Variants in GNAQ observed in about 807,000 individuals in gnomAD.
GNAQ encodes the protein guanine nucleotide-binding protein G(q) subunit alpha.
GNAQ carries 8 observed loss-of-function variants against 43.9 expected under a neutral mutation model. That is an observed-to-expected ratio of 0.18 (90% confidence interval 0.11 to 0.33). GNAQ has a LOEUF of 0.33. Among genes scored for constraint, GNAQ ranks in the 10% least tolerant of loss-of-function variants. GNAQ has a pLI of 1.00. For synonymous variants in GNAQ, 155 were observed against 170.7 expected, an observed-to-expected ratio of 0.91 and a Z score of 0.71; for missense variants, 158 against 450.8, an observed-to-expected ratio of 0.35 and a Z score of 5.88.
Position 77,815,769 on chromosome 9 carries a change from G to C in GNAQ, c.323C>G (p.Ala108Gly). Residue 108 changes from alanine (A) to glycine (G), a missense_variant and splice_region_variant, in exon 3 of 7, where the codon GCT becomes GGT. By Grantham distance (60) the Ala-to-Gly change is moderately conservative. This residue lies in a region of GNAQ where 57 missense variants were observed against 78.2 expected (regional missense o/e 0.73). Coordinates refer to ENST00000286548, the MANE Select transcript of GNAQ (RefSeq NM_002072.5). Reference sequence around the variant, plus strand: ...AACTTCTCGAACTAATTGTGCATGAGCCTGTTTAAATAAAAAAAGGCAGTT... The same window carrying C: ...AACTTCTCGAACTAATTGTGCATGACCCTGTTTAAATAAAAAAAGGCAGTT... ...KIPYKYEHNKAHAQLVREVDV... is the reference protein window; with the variant it reads ...KIPYKYEHNKGHAQLVREVDV... The C allele has an allele frequency of 6.2e-7, 1 of 1,606,194 alleles. No individual in the cohort carries two copies. The highest frequency in any genetic ancestry group is 8.5e-7 in the Non-Finnish European group (1 of 1,176,282).
At chr9:77,910,869 AAC>A (rs1358181652) in intron 2 of GNAQ, among the ~76,000 whole-genome samples, 1 of 152,196 alleles carries the variant, frequency 6.6e-6, no homozygotes, top group Non-Finnish European at 1.5e-5. Context: ...AACACCACAC[AAC>A]AGTTTTGTCG....
chr9:77,891,397 AG>A (rs1007527338), intron 2 of GNAQ, among the ~76,000 whole-genome samples: 2 of 151,932 alleles, frequency 1.3e-5, no homozygotes, highest in African/African-American at 4.8e-5. Context: ...TGGGGAGGGG[AG>A]GAAGTAGGAG....
chr9:77,977,886 C>A (rs1041997085), intron 1 of GNAQ, among the ~76,000 whole-genome samples: 1 of 152,108 alleles, frequency 6.6e-6, no homozygotes, highest in Non-Finnish European at 1.5e-5. Flanking sequence ...CCCAACTTAA[C>A]CCCCTTGTCC....
chr9:77,936,355 A>G (rs1829231719), intron 1 of GNAQ, among the ~76,000 whole-genome samples: 1 of 152,192 alleles, frequency 6.6e-6, no homozygotes, highest in African/African-American at 2.4e-5. Context: ...AGCAGTATAT[A>G]CTCAGACCTT....
In GNAQ at chr9:77,991,002, T is replaced by A. The variant is rs188993333; in HGVS notation, c.136+40098A>T. Among the ~76,000 whole-genome samples, 226 of 152,296 alleles carry A rather than the reference T, an allele frequency of 1.5e-3. 1 individual carries two copies. The highest frequency in any genetic ancestry group is 2.7e-3 in the South Asian group (13 of 4,824). On this transcript the variant is annotated intron_variant, in intron 1 of 6. Transcript: ENST00000286548. ...TTCCCTCAAAATGTATTTAATAGAG[T>A]CACTTTAACTTCGGATTTCAAGGCA... is the stretch of plus-strand genomic sequence containing the variant.
At position 77,716,688 on chromosome 9, in the gene GNAQ, T is replaced by C. The variant is rs1825231905; in HGVS notation, c.*4635A>G. On this transcript the variant is annotated 3_prime_UTR_variant, in exon 7 of 7. Transcript: ENST00000286548. Reference sequence around the variant, plus strand: ...GTTTTTTCTGTCTACCAAAAGCTTATATAAAAGTCAGAATTTCTTTATCCA... The same window carrying C: ...GTTTTTTCTGTCTACCAAAAGCTTACATAAAAGTCAGAATTTCTTTATCCA... 4.3e-6 allele frequency: 1 copy of C among 232,840 alleles called. No individual in the cohort carries two copies. Among genetic ancestry groups the C allele is most frequent in the Non-Finnish European group, 8.5e-6 (1 of 117,888 alleles). 14.4% of individuals were successfully genotyped at this position (232,840 alleles called of 1,614,324 possible).
At chr9:77,829,563 C>T (rs1827263078) in intron 2 of GNAQ, among the ~76,000 whole-genome samples, 1 of 152,204 alleles carries the variant, frequency 6.6e-6, no homozygotes, top group South Asian at 2.1e-4. Flanking sequence ...GCAGCAATGA[C>T]TGCGGCTTGA....
chr9:77,863,538 C>T (rs1195139267), intron 2 of GNAQ, among the ~76,000 whole-genome samples: 1 of 152,168 alleles, frequency 6.6e-6, no homozygotes, highest in Non-Finnish European at 1.5e-5. Flanking sequence ...CCAAACTGTT[C>T]CCACCTCTGC....
chr9:77,786,676 TA>T (rs1826486448), intron 5 of GNAQ, among the ~76,000 whole-genome samples: 1 of 152,176 alleles, frequency 6.6e-6, no homozygotes, highest in African/African-American at 2.4e-5. Flanking sequence ...AACAGACGGA[TA>T]ATGCCAAGGG....
rs554783626 is a variant in GNAQ, at chr9:77,904,317, C to CTTTTTTT, written c.321+17837_321+17843dup. Among the ~76,000 whole-genome samples the CTTTTTTT allele has an allele frequency of 3.0e-3, 232 of 77,426 alleles. 31 individuals carry two copies. Among genetic ancestry groups the CTTTTTTT allele is most frequent in the East Asian group, 0.017 (29 of 1,734 alleles). The allele number at this position is 77,426 out of a possible 152,430, so 50.8% of individuals were successfully genotyped here. On this transcript the variant is annotated intron_variant, in intron 2 of 6. Coordinates refer to ENST00000286548, the MANE Select transcript of GNAQ (RefSeq NM_002072.5). ...TGGAGTTAACAGAAGTTCACACCGG[C>CTTTTTTT]TTTTTTTTTTTTTTTTTTTTTTTTT...
intron 1 of GNAQ, among the ~76,000 whole-genome samples, chr9:77,929,196 C>T (rs1265141718): frequency 6.6e-6 from 1 of 152,104 alleles, no homozygotes; most frequent in Admixed American, 6.5e-5. Flanking sequence ...ATTCTTTCCC[C>T]TAAGAGTACA....
chr9:77,975,126 C>T (rs1435591034), intron 1 of GNAQ, among the ~76,000 whole-genome samples: 1 of 152,190 alleles, frequency 6.6e-6, no homozygotes, highest in Non-Finnish European at 1.5e-5. Flanking sequence ...TAGAGCCTTG[C>T]AAAATCCTCT....
At chr9:78,015,319 C>T (rs996737418) in intron 1 of GNAQ, among the ~76,000 whole-genome samples, 32 of 152,170 alleles carry the variant, frequency 2.1e-4, no homozygotes, top group African/African-American at 7.7e-4. Context: ...TAAGTACACT[C>T]TACAAGGCTC....
At chr9:77,844,526 T>C (rs1193812359) in intron 2 of GNAQ, among the ~76,000 whole-genome samples, 1 of 152,184 alleles carries the variant, frequency 6.6e-6, no homozygotes, top group African/African-American at 2.4e-5. Flanking sequence ...AAGTATAAGA[T>C]GGATCCCTAA....
chr9:77,899,937 G>A (rs942332249), intron 2 of GNAQ, among the ~76,000 whole-genome samples: 2 of 152,188 alleles, frequency 1.3e-5, no homozygotes, highest in African/African-American at 2.4e-5. Flanking sequence ...TCTGCAGGGT[G>A]GAATTGCTAC....
intron 5 of GNAQ, among the ~76,000 whole-genome samples, chr9:77,785,686 T>C (rs949708547): frequency 3.9e-5 from 6 of 152,228 alleles, no homozygotes; most frequent in Non-Finnish European, 1.5e-5. Flanking sequence ...ACTGTCAGTA[T>C]CTGACAGTTC....
intron 2 of GNAQ, among the ~76,000 whole-genome samples, chr9:77,882,699 AG>A (rs1220913350): frequency 6.6e-6 from 1 of 152,252 alleles, no homozygotes; most frequent in African/African-American, 2.4e-5. Flanking sequence ...AAAAAAGCAT[AG>A]GAAAAAAACT....
chr9:77,836,860 T>C (rs1210925241), intron 2 of GNAQ, among the ~76,000 whole-genome samples: 7 of 152,166 alleles, frequency 4.6e-5, no homozygotes, highest in Admixed American at 6.5e-5. Flanking sequence ...TGTAAAAAAA[T>C]ATAACCATCA....
chr9:78,026,437 G>A (rs1587467645), intron 1 of GNAQ, among the ~76,000 whole-genome samples: 1 of 152,340 alleles, frequency 6.6e-6, no homozygotes, highest in East Asian at 1.9e-4. Flanking sequence ...AAAGGGAACT[G>A]TATCCAAATA....
Sources: allele counts gnomAD v4.1 joint callset (sites outside exome capture counted in the v4.1 genomes callset), GRCh38; gene constraint gnomAD v4.1.1; regional missense constraint gnomAD v4.1.1; transcripts MANE v1.5; gene names NCBI Gene and HGNC (gene_info 2026-07-23, HGNC 2026-07-21).